Variants in NOS1AP observed in about 807,000 individuals in gnomAD.
The protein encoded by NOS1AP is carboxyl-terminal PDZ ligand of neuronal nitric oxide synthase protein.
Under a neutral mutation model 56.2 loss-of-function variants are expected in NOS1AP, and 21 were observed. The observed-to-expected ratio is 0.37, with a 90% CI of 0.26 to 0.54. NOS1AP has a LOEUF of 0.54. Ranked by LOEUF, NOS1AP falls within the 20% of genes least tolerant of loss-of-function variation. The pLI is 0.84. For synonymous variants in NOS1AP, 270 were observed against 274.6 expected, an observed-to-expected ratio of 0.98 and a Z score of 0.17; for missense variants, 522 against 657.8, an observed-to-expected ratio of 0.79 and a Z score of 2.26.
chr1:162,366,979 G>C (rs1254952403), intron 9 of NOS1AP, 73 bp from the exon 10 acceptor site: 2 of 1,579,316 alleles, frequency 1.3e-6, no homozygotes, highest in African/African-American at 1.3e-5. Context: ...GCACGGGCGG[G>C]CAGAAGGCGG....
rs146760687 is a variant in NOS1AP, at chr1:162,206,806, T to C, written c.177+52330T>C. Among the ~76,000 whole-genome samples the C allele has an allele frequency of 1.6e-4, 24 of 152,348 alleles. No individual in the cohort carries two copies. In the East Asian group the frequency reaches 3.9e-3, roughly 25 times the overall value. ...ACCATGGGCAATTCATTTTACCTCA[T>C]TGAGCCTCGATCTCTTTGAGTGTAA... On this transcript the variant is annotated intron_variant, in intron 2 of 9. Transcript: ENST00000361897.
At chr1:162,180,833 T>TA (rs1651233218) in intron 2 of NOS1AP, among the ~76,000 whole-genome samples, 2 of 152,234 alleles carry the variant, frequency 1.3e-5, no homozygotes, top group Admixed American at 6.5e-5. Context: ...ATGTAAGCTG[T>TA]ATTCAGACTC....
At chr1:162,093,564 TA>T (rs1692177979) in intron 1 of NOS1AP, among the ~76,000 whole-genome samples, 1 of 152,200 alleles carries the variant, frequency 6.6e-6, no homozygotes, top group African/African-American at 2.4e-5. Context: ...TATTTTATTT[TA>T]TTTTTTTTTG....
intron 4 of NOS1AP, among the ~76,000 whole-genome samples, chr1:162,332,110 C>A (rs1656789445): frequency 6.6e-6 from 1 of 152,244 alleles, no homozygotes; most frequent in African/African-American, 2.4e-5. Flanking sequence ...TTGAACCACA[C>A]TCCGTTGAGC....
At chr1:162,108,295 A>G (rs1238475509) in intron 1 of NOS1AP, among the ~76,000 whole-genome samples, 1 of 152,260 alleles carries the variant, frequency 6.6e-6, no homozygotes, top group Non-Finnish European at 1.5e-5. Flanking sequence ...CTCAGGAACC[A>G]ACGTGAAGAG....
intron 2 of NOS1AP, among the ~76,000 whole-genome samples, chr1:162,264,467 TCCC>T: frequency 5.4e-5 from 2 of 37,170 alleles, no homozygotes; most frequent in African/African-American, 9.1e-5. Context: ...TCTCTTCTCC[TCCC>T]CTCCCCTCCC....
At chr1:162,149,415 G>T (rs544769785) in intron 1 of NOS1AP, among the ~76,000 whole-genome samples, 1 of 152,200 alleles carries the variant, frequency 6.6e-6, no homozygotes, top group Non-Finnish European at 1.5e-5. Context: ...CCACCCTCCA[G>T]CAAGTATGTC....
intron 2 of NOS1AP, among the ~76,000 whole-genome samples, chr1:162,264,296 A>C (rs1654328948): frequency 6.6e-6 from 1 of 151,968 alleles, no homozygotes; most frequent in South Asian, 2.1e-4. Flanking sequence ...TCCTGGGGTC[A>C]TGCTGATTTT....
At chr1:162,212,303 C>T (rs116310291) in intron 2 of NOS1AP, among the ~76,000 whole-genome samples, 1 of 152,332 alleles carries the variant, frequency 6.6e-6, no homozygotes, top group African/African-American at 2.4e-5. Flanking sequence ...ACCTCATCTA[C>T]TTAATGACCA....
At chr1:162,136,401 A>G (rs1376867858) in intron 1 of NOS1AP, among the ~76,000 whole-genome samples, 1 of 152,192 alleles carries the variant, frequency 6.6e-6, no homozygotes, top group Non-Finnish European at 1.5e-5. Context: ...AATACCTACC[A>G]TGTATTCAGT....
At chr1:162,189,656 C>G (rs564949335) in intron 2 of NOS1AP, among the ~76,000 whole-genome samples, 2 of 152,144 alleles carry the variant, frequency 1.3e-5, no homozygotes, top group Non-Finnish European at 2.9e-5. Flanking sequence ...TACAAAGACA[C>G]AGTAGACAGG....
chr1:162,306,094 AG>A (rs1655815740), intron 4 of NOS1AP, among the ~76,000 whole-genome samples: 1 of 152,188 alleles, frequency 6.6e-6, no homozygotes, highest in Non-Finnish European at 1.5e-5. Context: ...GGAAGTAAAA[AG>A]TCTAGAAAGG....
intron 2 of NOS1AP, among the ~76,000 whole-genome samples, chr1:162,214,036 C>T (rs1652458799): frequency 6.6e-6 from 1 of 152,170 alleles, no homozygotes; most frequent in African/African-American, 2.4e-5. Context: ...AGTTTGTGGT[C>T]CCTGCCTTCA....
rs1006433716 is a variant in NOS1AP, at chr1:162,343,879, G to A, written c.498G>A (p.Glu166=). The change falls in exon 6 of 10, where the codon GAG becomes GAA. Residue 166 remains glutamate, a synonymous_variant. Transcript: ENST00000361897. ...TTCGGACGGTGGGGCAGGCCTTTGA[G>A]GTCTGCCACAAGCTGAGCCTGCAGC... ...RIVRTVGQAF[E]VCHKLSLQHT... 6.2e-7 allele frequency: 1 copy of A among 1,614,000 alleles called. No homozygotes were observed. Among genetic ancestry groups the A allele is most frequent in the African/African-American group, 1.3e-5 (1 of 74,888 alleles).
chr1:162,358,688 G>A (rs1411591580), intron 8 of NOS1AP, among the ~76,000 whole-genome samples: 2 of 152,148 alleles, frequency 1.3e-5, no homozygotes, highest in East Asian at 1.9e-4. Flanking sequence ...ACTGCAGCAC[G>A]GGTCCATTCT....
chr1:162,139,607 T>G (rs7534045), intron 1 of NOS1AP, among the ~76,000 whole-genome samples: 6 of 151,988 alleles, frequency 3.9e-5, no homozygotes, highest in African/African-American at 1.5e-4. Context: ...GAATAACCCT[T>G]TGTAGGAAGA....
In NOS1AP at chr1:162,245,901, G is replaced by A. The variant is rs544335628; in HGVS notation, c.178-41443G>A. Among the ~76,000 whole-genome samples, 12 of 152,308 alleles carry A rather than the reference G, an allele frequency of 7.9e-5. No homozygotes were observed. In the South Asian group the frequency reaches 8.3e-4, roughly 11 times the overall value. On this transcript the variant is annotated intron_variant, in intron 2 of 9. Coordinates refer to ENST00000361897, the MANE Select transcript of NOS1AP (RefSeq NM_014697.3). The stretch of plus-strand genomic sequence containing the variant: ...TAGCTTATGATGGATTAACGTTTAC[G>A]TTTTTCCTTAAAAGAACACATCTGG...
chr1:162,322,630 G>A (rs1656459346), intron 4 of NOS1AP, among the ~76,000 whole-genome samples: 1 of 152,180 alleles, frequency 6.6e-6, no homozygotes, highest in Admixed American at 6.5e-5. Flanking sequence ...AAGAAACATG[G>A]ATGGAAAGTG....
chr1:162,073,028 C>A (rs546353811), intron 1 of NOS1AP, among the ~76,000 whole-genome samples: 5 of 152,174 alleles, frequency 3.3e-5, no homozygotes, highest in African/African-American at 1.2e-4. Flanking sequence ...CACTCATTTT[C>A]AGGGTTCTGC....
Sources: gnomAD v4.1 joint callset for allele counts (sites outside exome capture counted in the v4.1 genomes callset) on GRCh38, gnomAD v4.1.1 for gene constraint, MANE v1.5 for transcripts, NCBI Gene and HGNC (gene_info 2026-07-23, HGNC 2026-07-21) for gene names.